Variants in PDE4D observed in about 807,000 individuals in gnomAD.
PDE4D encodes phosphodiesterase 4D, also known as 3',5'-cyclic-AMP phosphodiesterase 4D.
Under a neutral mutation model 87.4 loss-of-function variants are expected in PDE4D, and 24 were observed. The observed-to-expected ratio is 0.27, with a 90% CI of 0.20 to 0.39. The LOEUF is 0.39. Ranked by LOEUF, PDE4D falls within the 10% of genes least tolerant of loss-of-function variation. The pLI, the probability that PDE4D is intolerant of heterozygous loss-of-function variation, is 1.00. For synonymous variants in PDE4D, 384 were observed against 383.2 expected, an observed-to-expected ratio of 1.00 and a Z score of -0.02; for missense variants, 714 against 1,041.0, an observed-to-expected ratio of 0.69 and a Z score of 4.32.
At chr5:59,101,896 A>T (rs1160945159) in intron 5 of PDE4D, among the ~76,000 whole-genome samples, 3 of 152,008 alleles carry the variant, frequency 2.0e-5, no homozygotes, top group Non-Finnish European at 1.5e-5. Flanking sequence ...TTCCACTAAG[A>T]ATTGGGGAAG....
At chr5:60,472,979 G>A (rs1003275072) in intron 1 of PDE4D, among the ~76,000 whole-genome samples, 1 of 151,862 alleles carries the variant, frequency 6.6e-6, no homozygotes, top group Non-Finnish European at 1.5e-5. Flanking sequence ...TTCAACTTAT[G>A]ATTAGTTTAT....
chr5:59,552,762 T>C (rs989206420), intron 1 of PDE4D, among the ~76,000 whole-genome samples: 1 of 152,212 alleles, frequency 6.6e-6, no homozygotes, highest in African/African-American at 2.4e-5. Flanking sequence ...ATTAACTATA[T>C]GTACATTTAC....
intron 2 of PDE4D, among the ~76,000 whole-genome samples, chr5:60,132,771 C>T (rs545075671): frequency 2.0e-5 from 3 of 152,074 alleles, no homozygotes; most frequent in African/African-American, 4.8e-5. Flanking sequence ...GCAGGAGAAT[C>T]GCTTGAACCC....
chr5:60,178,436 G>T (rs1178721371), intron 2 of PDE4D, among the ~76,000 whole-genome samples: 3 of 150,192 alleles, frequency 2.0e-5, no homozygotes, highest in Non-Finnish European at 4.5e-5. Flanking sequence ...CACTTGCAAA[G>T]AAAAAAAAAC....
At chr5:59,963,177 A>G (rs1017707067) in intron 3 of PDE4D, among the ~76,000 whole-genome samples, 3 of 152,158 alleles carry the variant, frequency 2.0e-5, no homozygotes, top group Admixed American at 1.3e-4. Flanking sequence ...TGTTGATAGC[A>G]TATTGTCAGT....
At chr5:60,217,135 A>G (rs1031167089) in intron 1 of PDE4D, among the ~76,000 whole-genome samples, 6 of 152,066 alleles carry the variant, frequency 3.9e-5, no homozygotes, top group African/African-American at 1.2e-4. Flanking sequence ...ATAAATCTTG[A>G]GGACATTATA....
chr5:59,705,804 C>T (rs758727429), intron 1 of PDE4D, among the ~76,000 whole-genome samples: 1 of 152,090 alleles, frequency 6.6e-6, no homozygotes, highest in Non-Finnish European at 1.5e-5. Context: ...CATAGTAATC[C>T]ATTGATCACT....
At chr5:59,331,032 C>T (rs2153576822) in intron 1 of PDE4D, among the ~76,000 whole-genome samples, 1 of 152,318 alleles carries the variant, frequency 6.6e-6, no homozygotes, top group Non-Finnish European at 1.5e-5. Context: ...TCCGTTATCA[C>T]TGACCCTCTG....
intron 3 of PDE4D, among the ~76,000 whole-genome samples, chr5:59,967,643 T>C (rs1203130735): frequency 6.6e-6 from 1 of 152,180 alleles, no homozygotes; most frequent in Admixed American, 6.5e-5. Flanking sequence ...TATACACCAT[T>C]GGTGGGAATG....
chr5:59,508,942 GA>G (rs1351386276), intron 1 of PDE4D, among the ~76,000 whole-genome samples: 11 of 151,952 alleles, frequency 7.2e-5, no homozygotes, highest in African/African-American at 2.7e-4. Flanking sequence ...GTGAATGACA[GA>G]GTGGGGCCAA....
At chr5:59,153,234 C>T (rs565657128) in intron 5 of PDE4D, among the ~76,000 whole-genome samples, 9 of 152,086 alleles carry the variant, frequency 5.9e-5, no homozygotes, top group African/African-American at 1.7e-4. Flanking sequence ...CCAGTAGCAG[C>T]GGGTGAAAGG....
chr5:59,863,079 G>A (rs1268309323), intron 1 of PDE4D, among the ~76,000 whole-genome samples: 1 of 152,038 alleles, frequency 6.6e-6, no homozygotes, highest in Non-Finnish European at 1.5e-5. Context: ...GAACTGCTAG[G>A]GCATTAGATG....
intron 2 of PDE4D, among the ~76,000 whole-genome samples, chr5:60,179,986 AT>A (rs1784249659): frequency 6.6e-6 from 1 of 152,232 alleles, no homozygotes; most frequent in African/African-American, 2.4e-5. Flanking sequence ...ATTTCTCTCC[AT>A]TTTTTTGTAT....
chr5:60,010,780 A>G (rs1764948320), intron 2 of PDE4D, among the ~76,000 whole-genome samples: 3 of 152,148 alleles, frequency 2.0e-5, no homozygotes, highest in Admixed American at 2.0e-4. Flanking sequence ...AATCATTTTT[A>G]TTTTACTCAA....
At chr5:59,298,087 C>A (rs914644201) in intron 1 of PDE4D, among the ~76,000 whole-genome samples, 1 of 149,684 alleles carries the variant, frequency 6.7e-6, no homozygotes, top group Non-Finnish European at 1.5e-5. Flanking sequence ...TGATAGCAGG[C>A]AGCCAACCCC....
At chr5:59,976,844 T>A (rs1313796172) in intron 3 of PDE4D, among the ~76,000 whole-genome samples, 1 of 152,202 alleles carries the variant, frequency 6.6e-6, no homozygotes, top group Non-Finnish European at 1.5e-5. Context: ...TATTATTATA[T>A]CTGCTAGGGT....
chr5:59,420,443 T>A (rs1273643970), intron 1 of PDE4D, among the ~76,000 whole-genome samples: 1 of 152,154 alleles, frequency 6.6e-6, no homozygotes, highest in East Asian at 1.9e-4. Context: ...GGCTGGAATG[T>A]CCTGCTTCCA....
At chr5:59,013,458 A>G (rs963680657) in intron 6 of PDE4D, among the ~76,000 whole-genome samples, 1 of 152,214 alleles carries the variant, frequency 6.6e-6, no homozygotes, top group African/African-American at 2.4e-5. Context: ...ATAAAAAATG[A>G]TAAAGGGGAT....
chr5:59,863,177 T>C (rs1746527937), intron 1 of PDE4D, among the ~76,000 whole-genome samples: 1 of 152,162 alleles, frequency 6.6e-6, no homozygotes, highest in Non-Finnish European at 1.5e-5. Flanking sequence ...TTGAATGACA[T>C]CAAATGTACT....
Sources: allele counts gnomAD v4.1 joint callset (sites outside exome capture counted in the v4.1 genomes callset), GRCh38; gene constraint gnomAD v4.1.1; transcripts MANE v1.5; gene names NCBI Gene and HGNC (gene_info 2026-07-23, HGNC 2026-07-21).